The following BCL2L13 variants were observed in gnomAD, a reference collection of about 807,000 sequenced individuals.
The protein encoded by BCL2L13 is bcl-2-like protein 13.
BCL2L13 carries 13 observed loss-of-function variants against 25.8 expected under a neutral mutation model. The ratio of observed to expected loss-of-function variants is 0.50; its 90% CI spans 0.33 to 0.80. The LOEUF (loss-of-function observed/expected upper bound fraction) is 0.80, where lower values mean the gene tolerates loss of function less well. Ranked by LOEUF, BCL2L13 falls within the 30% of genes least tolerant of loss-of-function variation. The pLI, the probability that BCL2L13 is intolerant of heterozygous loss-of-function variation, is 0.02. For missense variants in BCL2L13, 504 were observed against 574.9 expected (o/e 0.88, Z 1.26); for synonymous variants, 244 against 230.3 (o/e 1.06, Z -0.54).
At chr22:17,662,817 A>T (rs1433260063) in intron 2 of BCL2L13, among the ~76,000 whole-genome samples, 1 of 152,186 alleles carries the variant, frequency 6.6e-6, no homozygotes, top group East Asian at 1.9e-4. Context: ...TTTCAAAAAA[A>T]ATAAAAATAA....
intron 1 of BCL2L13, among the ~76,000 whole-genome samples, chr22:17,649,906 C>G (rs942204263): frequency 1.4e-4 from 16 of 115,522 alleles, no homozygotes; most frequent in African/African-American, 4.7e-4. Flanking sequence ...GAGCTTTGCT[C>G]TGTCGTCCAA....
At position 17,687,508 on chromosome 22, in the gene BCL2L13, T is replaced by C. The variant is rs563648014; in HGVS notation, c.230-1478T>C. 4.6e-5 allele frequency among the ~76,000 whole-genome samples: 7 copies of C among 151,770 alleles called. No homozygotes were observed. The East Asian group carries it at 1.4e-3, about 29-fold the overall frequency. On this transcript the variant is annotated intron_variant, in intron 3 of 6. Coordinates refer to ENST00000317582, the MANE Select transcript of BCL2L13 (RefSeq NM_015367.4). ...GGCGTGTGCCACAGCACCCAGCTAT[T>C]ATTATTATTATTATTTTCTTTTTTT... is the stretch of plus-strand genomic sequence containing the variant.
At chr22:17,651,049 A>G (rs1318629673) in intron 1 of BCL2L13, among the ~76,000 whole-genome samples, 1 of 135,354 alleles carries the variant, frequency 7.4e-6, no homozygotes, top group Non-Finnish European at 1.5e-5. Context: ...GCTGGAGTGC[A>G]GTGGCGCGAT....
At chr22:17,653,759 C>T (rs2058760892) in intron 1 of BCL2L13, among the ~76,000 whole-genome samples, 1 of 152,012 alleles carries the variant, frequency 6.6e-6, no homozygotes. Context: ...CTCCCTTGTC[C>T]TTCCAAAGTG....
chr22:17,681,042 G>T (rs898251672), intron 2 of BCL2L13, among the ~76,000 whole-genome samples: 1 of 152,108 alleles, frequency 6.6e-6, no homozygotes, highest in African/African-American at 2.4e-5. Flanking sequence ...CATGCCCCGC[G>T]ATTACTCGTC....
intron 6 of BCL2L13, 90 bp from the exon 7 acceptor site, chr22:17,726,587 C>T (rs942433835): frequency 1.6e-5 from 22 of 1,410,528 alleles, no homozygotes; most frequent in Non-Finnish European, 2.1e-5. Context: ...CCTAGAACTT[C>T]AGTTTAGGAA....
chr22:17,646,714 G>GTTTT (rs1568923183), intron 1 of BCL2L13, among the ~76,000 whole-genome samples: 4 of 72,082 alleles, frequency 5.5e-5, no homozygotes, highest in Non-Finnish European at 7.7e-5. Context: ...TGAAATATCT[G>GTTTT]TCTTTTTTTT....
intron 1 of BCL2L13, among the ~76,000 whole-genome samples, chr22:17,654,747 G>T (rs1303560581): frequency 6.7e-6 from 1 of 150,268 alleles, no homozygotes; most frequent in African/African-American, 2.5e-5. Flanking sequence ...TTTAAGACAG[G>T]GTCTTGCCCT....
intron 1 of BCL2L13, among the ~76,000 whole-genome samples, chr22:17,652,778 A>G (rs2058728823): frequency 6.6e-6 from 1 of 152,004 alleles, no homozygotes; most frequent in East Asian, 1.9e-4. Context: ...GAAAAAACAG[A>G]GTGAGGCCAG....
chr22:17,666,446 A>G (rs754042200), intron 2 of BCL2L13, among the ~76,000 whole-genome samples: 12 of 151,990 alleles, frequency 7.9e-5, no homozygotes, highest in East Asian at 7.7e-4. Flanking sequence ...TTATTTATTT[A>G]TTTATTTTAA....
chr22:17,723,810 G>A (rs1330715382), intron 6 of BCL2L13, among the ~76,000 whole-genome samples: 1 of 151,962 alleles, frequency 6.6e-6, no homozygotes, highest in East Asian at 1.9e-4. Context: ...GCGTGCACCT[G>A]TAGTTCCAGC....
intron 6 of BCL2L13, among the ~76,000 whole-genome samples, chr22:17,722,079 A>G (rs1009372924): frequency 6.6e-6 from 1 of 152,232 alleles, no homozygotes; most frequent in Non-Finnish European, 1.5e-5. Context: ...TATTATGTAT[A>G]AATATATGCA....
At chr22:17,726,352 A>T (rs1459554364) in intron 6 of BCL2L13, among the ~76,000 whole-genome samples, 4 of 3,552 alleles carry the variant, frequency 1.1e-3, no homozygotes, top group African/African-American at 3.3e-3. Context: ...CTCCATCTTA[A>T]AAAAAAAAAA....
At chr22:17,722,751 T>C (rs1033102082) in intron 6 of BCL2L13, among the ~76,000 whole-genome samples, 1 of 152,310 alleles carries the variant, frequency 6.6e-6, no homozygotes, top group Non-Finnish European at 1.5e-5. Context: ...GGATTTTATA[T>C]TGGAGATTGT....
intron 2 of BCL2L13, among the ~76,000 whole-genome samples, chr22:17,662,638 GA>G (rs2059110965): frequency 6.6e-6 from 1 of 151,736 alleles, no homozygotes; most frequent in Non-Finnish European, 1.5e-5. Context: ...CCTACATGGC[GA>G]AACCCCGCCT....
At chr22:17,701,260 T>G (rs2060425293) in intron 5 of BCL2L13, among the ~76,000 whole-genome samples, 1 of 152,186 alleles carries the variant, frequency 6.6e-6, no homozygotes, top group Admixed American at 6.5e-5. Context: ...TAAAAGTTCT[T>G]ATTTTCAAAT....
chr22:17,668,349 AT>A (rs2059303686), intron 2 of BCL2L13, among the ~76,000 whole-genome samples: 1 of 151,552 alleles, frequency 6.6e-6, no homozygotes. Flanking sequence ...TGAGTGTCTT[AT>A]CTAAGAAACC....
intron 2 of BCL2L13, among the ~76,000 whole-genome samples, chr22:17,680,511 CAAAAAAAAAAA>C (rs770410371): frequency 4.5e-4 from 6 of 13,360 alleles, no homozygotes; most frequent in South Asian, 5.8e-3. Context: ...GACTCTGTCT[CAAAAAAAAAAA>C]AAAAAAAAAA....
intron 6 of BCL2L13, 99 bp downstream of exon 6, chr22:17,702,485 T>C: frequency 8.4e-7 from 1 of 1,188,288 alleles, no homozygotes; most frequent in South Asian, 1.9e-5. Context: ...CGGGCTGGAG[T>C]GCAGTGTCTA....
Sources: gnomAD v4.1 joint callset for allele counts (sites outside exome capture counted in the v4.1 genomes callset) on GRCh38, gnomAD v4.1.1 for gene constraint, MANE v1.5 for transcripts, NCBI Gene and HGNC (gene_info 2026-07-23, HGNC 2026-07-21) for gene names.